The following CHCHD3 variants were observed in gnomAD, a reference collection of about 807,000 sequenced individuals.
The protein encoded by CHCHD3 is coiled-coil-helix-coiled-coil-helix domain containing 3.
A neutral mutation model predicts 38.2 loss-of-function variants in CHCHD3; 20 were observed. The ratio of observed to expected loss-of-function variants is 0.52; its 90% CI spans 0.37 to 0.76. The LOEUF is 0.76. CHCHD3 is among the 30% of genes least tolerant of loss of function. The pLI, the probability that CHCHD3 is intolerant of heterozygous loss-of-function variation, is 0.00. For synonymous variants in CHCHD3, 82 were observed against 100.0 expected, an observed-to-expected ratio of 0.82 and a Z score of 1.07; for missense variants, 245 against 279.2, an observed-to-expected ratio of 0.88 and a Z score of 0.87.
chr7:132,861,845 T>C (rs1808497902), intron 5 of CHCHD3, among the ~76,000 whole-genome samples: 2 of 152,216 alleles, frequency 1.3e-5, no homozygotes, highest in African/African-American at 4.8e-5. Context: ...ATGTATAAAT[T>C]ATTATCAGTT....
chr7:133,046,543 T>C (rs1377772696), intron 2 of CHCHD3, among the ~76,000 whole-genome samples: 1 of 151,240 alleles, frequency 6.6e-6, no homozygotes, highest in Non-Finnish European at 1.5e-5. Context: ...ATATAATTGG[T>C]TTCTTTTGTA....
intron 1 of CHCHD3, among the ~76,000 whole-genome samples, chr7:133,079,298 T>A (rs1242145537): frequency 6.6e-6 from 1 of 152,216 alleles, no homozygotes; most frequent in Non-Finnish European, 1.5e-5. Flanking sequence ...ATACATTATG[T>A]CAAATTCTCA....
intron 3 of CHCHD3, among the ~76,000 whole-genome samples, chr7:133,014,239 T>C (rs1203987182): frequency 1.3e-5 from 2 of 151,250 alleles, no homozygotes; most frequent in Non-Finnish European, 2.9e-5. Context: ...TGAATTTAAA[T>C]CAAGAATTGA....
intron 3 of CHCHD3, among the ~76,000 whole-genome samples, chr7:133,010,671 C>G (rs1388088020): frequency 6.6e-6 from 1 of 152,050 alleles, no homozygotes; most frequent in African/African-American, 2.4e-5. Context: ...CTCTGGCTCC[C>G]AGGTTCAAGC....
At position 133,027,363 on chromosome 7, in the gene CHCHD3, A is replaced by AGAGAGAGAG. The variant is rs1554402334; in HGVS notation, c.170-2737_170-2736insCTCTCTCTC. ...TGCTAAATGTACCTTAATAAGTTGT[A>AGAGAGAGAG]AGAGAGAGAGAGAGAGAGAGAGAAA... On this transcript the variant is annotated intron_variant, in intron 2 of 7. Transcript: ENST00000262570. 1.4e-3 allele frequency among the ~76,000 whole-genome samples: 183 copies of AGAGAGAGAG among 133,870 alleles called. 2 individuals are homozygous for AGAGAGAGAG. The highest frequency in any genetic ancestry group is 2.1e-3 in the Non-Finnish European group (130 of 63,140). The allele number at this position is 133,870 out of a possible 152,430, so 87.8% of individuals were successfully genotyped here.
intron 6 of CHCHD3, among the ~76,000 whole-genome samples, chr7:132,834,440 G>C (rs2117089057): frequency 6.6e-6 from 1 of 152,278 alleles, no homozygotes; most frequent in Admixed American, 6.5e-5. Flanking sequence ...TTAAAACCTA[G>C]GTTTTGTGTG....
chr7:132,860,273 A>T (rs1297761934), intron 5 of CHCHD3, among the ~76,000 whole-genome samples: 1 of 150,236 alleles, frequency 6.7e-6, no homozygotes, highest in African/African-American at 2.5e-5. Context: ...TCTCAAAAAT[A>T]AACAGATTTT....
chr7:133,057,797 G>C (rs17338210), intron 2 of CHCHD3, among the ~76,000 whole-genome samples: 1,521 of 152,040 alleles, frequency 0.01, 20 homozygotes, highest in Non-Finnish European at 0.018. Context: ...TATCAAGCTT[G>C]AGCAAAAATA....
Position 132,838,401 on chromosome 7 carries a change from G to T in CHCHD3, c.522C>A (p.Phe174Leu). Residue 174 changes from phenylalanine to leucine, a missense_variant and splice_region_variant, in exon 6 of 8, where the codon TTC becomes TTA. Phe to Leu is a conservative substitution (Grantham distance 22). Coordinates refer to ENST00000262570, the MANE Select transcript of CHCHD3 (RefSeq NM_017812.4). ...TTATAATACTATTAAAAACTTACTT[G>T]AACTTTGCTTCCACCTCTTCAGCAG... ...QKAAEEVEAK[F>L]KRYESHPVCA... 2.5e-6 allele frequency: 4 copies of T among 1,604,112 alleles called. No individual in the cohort carries two copies. The highest frequency in any genetic ancestry group is 1.1e-5 in the South Asian group (1 of 90,632).
At chr7:133,019,771 G>C (rs891182020) in intron 3 of CHCHD3, among the ~76,000 whole-genome samples, 2 of 152,156 alleles carry the variant, frequency 1.3e-5, no homozygotes, top group Admixed American at 1.3e-4. Flanking sequence ...TAGGTAAAGA[G>C]GTGAAATTCA....
At chr7:133,015,861 G>C (rs542466362) in intron 3 of CHCHD3, among the ~76,000 whole-genome samples, 58 of 152,266 alleles carry the variant, frequency 3.8e-4, no homozygotes, top group Non-Finnish European at 7.5e-4. Flanking sequence ...CAGCATTTTG[G>C]GAGGCCTCAG....
chr7:132,818,880 A>C (rs1352774399), intron 6 of CHCHD3, among the ~76,000 whole-genome samples: 2 of 152,320 alleles, frequency 1.3e-5, no homozygotes, highest in Non-Finnish European at 2.9e-5. Flanking sequence ...GTCAAGAGAA[A>C]AGCCCAGCTT....
intron 2 of CHCHD3, among the ~76,000 whole-genome samples, chr7:133,069,747 A>G (rs1051845330): frequency 6.6e-6 from 1 of 152,262 alleles, no homozygotes; most frequent in African/African-American, 2.4e-5. Context: ...GAAATTTATT[A>G]GAAAATAAAA....
At chr7:133,030,107 A>T (rs1213809672) in intron 2 of CHCHD3, among the ~76,000 whole-genome samples, 1 of 152,240 alleles carries the variant, frequency 6.6e-6, no homozygotes, top group Non-Finnish European at 1.5e-5. Flanking sequence ...AAATAACAGA[A>T]AATAAAAACA....
In CHCHD3 at chr7:133,035,128, C is replaced by G. The variant is rs1481564969; in HGVS notation, c.170-10501G>C. The G allele has an allele frequency of 6.2e-7, 1 of 1,613,602 alleles. No homozygotes were observed. The highest frequency in any genetic ancestry group is 1.3e-5 in the African/African-American group (1 of 74,924). On this transcript the variant is annotated intron_variant, in intron 2 of 7. Coordinates refer to ENST00000262570, the MANE Select transcript of CHCHD3 (RefSeq NM_017812.4). The surrounding 1 kb of genome is among the most constrained non-coding windows in gnomAD (Gnocchi z 4.7). Reference sequence around the variant, plus strand: ...TCAGCAGCCAGCGCCTGCTCACATTCATCCATCTCCTCCTCAGGAGCAGGG... The same window carrying G: ...TCAGCAGCCAGCGCCTGCTCACATTGATCCATCTCCTCCTCAGGAGCAGGG...
At position 132,983,495 on chromosome 7, in the gene CHCHD3, G is replaced by A. The variant is rs1811973192; in HGVS notation, c.252-8209C>T. Among the ~76,000 whole-genome samples, 2 of 152,190 alleles carry A rather than the reference G, an allele frequency of 1.3e-5. 1 individual carries two copies. Among genetic ancestry groups the A allele is most frequent in the South Asian group, 4.1e-4 (2 of 4,828 alleles). ...TATAATTCAGTAGGCACCTCCTGTT[G>A]CTATTGTAGCGAGCTCAGGAGTTAC... On this transcript the variant is annotated intron_variant, in intron 3 of 7. Coordinates refer to ENST00000262570, the MANE Select transcript of CHCHD3 (RefSeq NM_017812.4).
chr7:133,076,992 T>C (rs1815009657), intron 1 of CHCHD3, among the ~76,000 whole-genome samples: 1 of 152,162 alleles, frequency 6.6e-6, no homozygotes, highest in East Asian at 1.9e-4. Context: ...TGCTTCACAA[T>C]TACCTTTTTA....
rs1554395367 is a variant in CHCHD3, at chr7:132,967,666, T to TAAATAAAA, written c.369+7502_369+7503insTTTTATTT. ...ATAAATAAATAAATAAATAAATAAA[T>TAAATAAAA]AAAATAAAACAAAATTAGCCAGACA... On this transcript the variant is annotated intron_variant, in intron 4 of 7. Transcript: ENST00000262570. Among the ~76,000 whole-genome samples, 548 of 135,000 alleles carry TAAATAAAA rather than the reference T, an allele frequency of 4.1e-3. 3 individuals carry two copies. Among genetic ancestry groups the TAAATAAAA allele is most frequent in the African/African-American group, 0.014 (516 of 35,972 alleles). The allele number at this position is 135,000 out of a possible 152,430, so 88.6% of individuals were successfully genotyped here.
At chr7:133,021,753 T>C (rs996727780) in intron 3 of CHCHD3, among the ~76,000 whole-genome samples, 2 of 152,190 alleles carry the variant, frequency 1.3e-5, no homozygotes, top group South Asian at 4.1e-4. Flanking sequence ...TCATGGGATA[T>C]GGGGATTCAC....
Sources: allele counts gnomAD v4.1 joint callset (sites outside exome capture counted in the v4.1 genomes callset), GRCh38; gene constraint gnomAD v4.1.1; non-coding constraint Gnocchi (gnomAD v3.1); transcripts MANE v1.5; gene names NCBI Gene and HGNC (gene_info 2026-07-23, HGNC 2026-07-21).